The following CALN1 variants were observed in gnomAD, a reference collection of about 807,000 sequenced individuals.
CALN1 encodes calneuron 1, also known as calcium-binding protein 8.
Under a neutral mutation model 30.6 loss-of-function variants are expected in CALN1, and 17 were observed. The observed-to-expected ratio is 0.56, with a 90% CI of 0.38 to 0.83. CALN1 has a LOEUF of 0.83. CALN1 is among the 40% of genes least tolerant of loss of function. CALN1 has a pLI of 0.00. For synonymous variants in CALN1, 156 were observed against 131.4 expected, an observed-to-expected ratio of 1.19 and a Z score of -1.28; for missense variants, 291 against 354.9, an observed-to-expected ratio of 0.82 and a Z score of 1.45.
intron 5 of CALN1, among the ~76,000 whole-genome samples, chr7:71,818,930 G>T (rs1041048020): frequency 2.0e-5 from 3 of 151,782 alleles, no homozygotes; most frequent in Non-Finnish European, 4.4e-5. Flanking sequence ...GGCTGGTCTC[G>T]AACTCCTGAC....
intron 5 of CALN1, among the ~76,000 whole-genome samples, chr7:71,831,881 A>AC (rs1044489454): frequency 3.4e-5 from 5 of 149,230 alleles, no homozygotes; most frequent in African/African-American, 7.3e-5. Flanking sequence ...CAAAAAAAAA[A>AC]AAAAAAAAAA....
At chr7:71,934,401 A>G (rs1357369687) in intron 5 of CALN1, among the ~76,000 whole-genome samples, 1 of 152,208 alleles carries the variant, frequency 6.6e-6, no homozygotes, top group East Asian at 1.9e-4. Context: ...TTTATAAAGA[A>G]AAGAGGTTTA....
chr7:72,308,079 T>C (rs745896112), intron 2 of CALN1, among the ~76,000 whole-genome samples: 3 of 152,024 alleles, frequency 2.0e-5, no homozygotes, highest in Non-Finnish European at 4.4e-5. Flanking sequence ...ATCCACAAAC[T>C]AGGGCTGGGT....
chr7:72,162,284 G>C (rs1788169019), intron 3 of CALN1, among the ~76,000 whole-genome samples: 1 of 152,056 alleles, frequency 6.6e-6, no homozygotes, highest in Non-Finnish European at 1.5e-5. Context: ...ATTGGTTTCA[G>C]TAATGGCAGA....
chr7:72,375,290 G>A (rs1436680698), intron 2 of CALN1, among the ~76,000 whole-genome samples: 1 of 152,012 alleles, frequency 6.6e-6, no homozygotes, highest in Non-Finnish European at 1.5e-5. Flanking sequence ...GCTTTCAATG[G>A]GGTGGCTCAC....
intron 5 of CALN1, among the ~76,000 whole-genome samples, chr7:71,892,189 T>C (rs183650736): frequency 3.3e-4 from 51 of 152,336 alleles, no homozygotes; most frequent in African/African-American, 1.2e-3. Context: ...TAGTCTGACA[T>C]TGTATCTTGT....
Position 72,098,762 on chromosome 7 carries a change from G to GCACACA in CALN1, c.388+7388_388+7389insTGTGTG, listed in dbSNP as rs1491515765. Among the ~76,000 whole-genome samples, 471 of 115,372 alleles carry GCACACA rather than the reference G, an allele frequency of 4.1e-3. 2 individuals carry two copies. The highest frequency in any genetic ancestry group is 0.011 in the African/African-American group (314 of 29,518). The allele number at this position is 115,372 out of a possible 152,430, so 75.7% of individuals were successfully genotyped here. A position where few individuals can be genotyped will look rare whatever the true frequency, so the allele number is the denominator to read the frequency against. On this transcript the variant is annotated intron_variant, in intron 4 of 6. Transcript: ENST00000395275. Reference sequence around the variant, plus strand: ...CTCTGAGCAGTTCAGCCCATTTGGCGCGCACACACACACACACACACACAC... The same window carrying GCACACA: ...CTCTGAGCAGTTCAGCCCATTTGGCGCACACACGCACACACACACACACACACACAC...
Position 72,126,840 on chromosome 7 carries a change from T to C in CALN1, c.245-20546A>G, listed in dbSNP as rs376263087. 1.5e-4 allele frequency among the ~76,000 whole-genome samples: 23 copies of C among 152,140 alleles called. 1 individual carries two copies. Among genetic ancestry groups the C allele is most frequent in the East Asian group, 1.9e-4 (1 of 5,150 alleles). ...GGAGGGGTTGAGGGATGAAAGACTA[T>C]AATACATATTGGGTACAATGTACAC... On this transcript the variant is annotated intron_variant, in intron 3 of 6. Transcript: ENST00000395275.
At chr7:72,245,910 A>G (rs1041282147) in intron 3 of CALN1, among the ~76,000 whole-genome samples, 1 of 152,182 alleles carries the variant, frequency 6.6e-6, no homozygotes, top group Non-Finnish European at 1.5e-5. Context: ...AGCTGGCCAC[A>G]AGGTCTCACT....
chr7:72,083,717 G>A (rs747966856), intron 4 of CALN1, among the ~76,000 whole-genome samples: 4 of 152,026 alleles, frequency 2.6e-5, no homozygotes, highest in African/African-American at 4.8e-5. Flanking sequence ...TTAAGAGATC[G>A]AGACCATCCT....
intron 5 of CALN1, among the ~76,000 whole-genome samples, chr7:72,008,467 AATG>A (rs1799895204): frequency 6.9e-6 from 1 of 145,564 alleles, no homozygotes; most frequent in Non-Finnish European, 1.5e-5. Flanking sequence ...TATTATTATA[AATG>A]ATAATAAATG....
intron 5 of CALN1, among the ~76,000 whole-genome samples, chr7:71,939,627 A>T (rs1584559347): frequency 6.6e-6 from 1 of 152,132 alleles, no homozygotes; most frequent in South Asian, 2.1e-4. Flanking sequence ...TCCACCCCAC[A>T]TTCCCTAGAC....
intron 2 of CALN1, among the ~76,000 whole-genome samples, chr7:72,349,724 C>T (rs1206891369): frequency 6.6e-6 from 1 of 152,178 alleles, no homozygotes; most frequent in Non-Finnish European, 1.5e-5. Flanking sequence ...GCTTATTGGT[C>T]ATGTATATGT....
At chr7:72,395,939 A>AAT (rs940506474) in intron 2 of CALN1, among the ~76,000 whole-genome samples, 24 of 151,998 alleles carry the variant, frequency 1.6e-4, no homozygotes, top group Non-Finnish European at 4.4e-5. Flanking sequence ...AGGACCTCCA[A>AAT]ATATATATAT....
In CALN1 at chr7:72,046,033, C is replaced by G. The variant is rs551131054; in HGVS notation, c.389-22264G>C. Among the ~76,000 whole-genome samples, 3 of 149,976 alleles carry G rather than the reference C, an allele frequency of 2.0e-5. No homozygotes were observed. In the South Asian group the frequency reaches 6.3e-4, roughly 32 times the overall value. ...AAAAAAAAAGGATTCAGAACTAAGG[C>G]CAGGTGCAGGAGCTCACCCCTATAA... On this transcript the variant is annotated intron_variant, in intron 4 of 6. Transcript: ENST00000395275.
chr7:72,227,078 G>C (rs1366525693), intron 3 of CALN1, among the ~76,000 whole-genome samples: 1 of 151,928 alleles, frequency 6.6e-6, no homozygotes, highest in African/African-American at 2.4e-5. Context: ...ATAGACATTG[G>C]GGAAACAGGG....
intron 1 of CALN1, among the ~76,000 whole-genome samples, chr7:72,405,288 G>GCA (rs898117485): frequency 6.6e-5 from 10 of 152,124 alleles, no homozygotes; most frequent in African/African-American, 1.9e-4. Flanking sequence ...ACACATACAT[G>GCA]CACACACACA....
chr7:72,349,006 G>A lies in CALN1; in HGVS notation c.119+54245C>T, dbSNP rs1449505555. On this transcript the variant is annotated intron_variant, in intron 2 of 6. Coordinates refer to ENST00000395275, the MANE Select transcript of CALN1 (RefSeq NM_031468.4). Reference sequence around the variant, plus strand: ...TTTAAAGGAAATTGTGAACAATAAAGGAAGGCATGCAAACTAAAAAAAGAA... The same window carrying A: ...TTTAAAGGAAATTGTGAACAATAAAAGAAGGCATGCAAACTAAAAAAAGAA... Among the ~76,000 whole-genome samples the A allele has an allele frequency of 2.0e-5, 3 of 152,070 alleles. No individual in the cohort carries two copies. In the East Asian group the frequency reaches 5.8e-4, roughly 29 times the overall value.
At chr7:72,358,824 C>G (rs561463596) in intron 2 of CALN1, among the ~76,000 whole-genome samples, 1 of 151,880 alleles carries the variant, frequency 6.6e-6, no homozygotes, top group Admixed American at 6.6e-5. Context: ...TGGCGGGCAC[C>G]TATAATGCCT....
Sources: gnomAD v4.1 joint callset for allele counts (sites outside exome capture counted in the v4.1 genomes callset) on GRCh38, gnomAD v4.1.1 for gene constraint, MANE v1.5 for transcripts, NCBI Gene and HGNC (gene_info 2026-07-23, HGNC 2026-07-21) for gene names.